MAL2: variants seen among roughly 807,000 people sequenced by gnomAD.
The protein encoded by MAL2 is mal, T cell differentiation protein 2.
Under a neutral mutation model 18.1 loss-of-function variants are expected in MAL2, and 17 were observed. The ratio of observed to expected loss-of-function variants is 0.94; its 90% CI spans 0.64 to 1.41. MAL2 has a LOEUF of 1.41. Among genes scored for constraint, MAL2 ranks in the 40% most tolerant of loss-of-function variants. MAL2 has a pLI of 0.00. For synonymous variants in MAL2, 102 were observed against 102.3 expected, an observed-to-expected ratio of 1.00 and a Z score of 0.02; for missense variants, 222 against 231.9, an observed-to-expected ratio of 0.96 and a Z score of 0.28.
At chr8:119,218,986 G>A (rs567920112) in intron 1 of MAL2, among the ~76,000 whole-genome samples, 40 of 152,024 alleles carry the variant, frequency 2.6e-4, no homozygotes, top group Admixed American at 5.9e-4. Context: ...AGAAGAAAGT[G>A]GAAAAAAAGG....
At chr8:119,240,903 A>C (rs576199606) in intron 3 of MAL2, among the ~76,000 whole-genome samples, 1 of 152,276 alleles carries the variant, frequency 6.6e-6, no homozygotes, top group African/African-American at 2.4e-5. Context: ...ATCATCTTTA[A>C]TTCGTATACT....
intron 2 of MAL2, among the ~76,000 whole-genome samples, chr8:119,234,783 G>A (rs1430851220): frequency 6.6e-6 from 1 of 151,510 alleles, no homozygotes; most frequent in Non-Finnish European, 1.5e-5. Flanking sequence ...AAACAGAAAG[G>A]ACATCCACAC....
chr8:119,217,714 G>A (rs1324627353), intron 1 of MAL2, among the ~76,000 whole-genome samples: 1 of 152,180 alleles, frequency 6.6e-6, no homozygotes, highest in Admixed American at 6.5e-5. Context: ...GTACTCTGCA[G>A]TTGCTACTGT....
intron 2 of MAL2, among the ~76,000 whole-genome samples, chr8:119,234,540 T>G (rs1261904968): frequency 6.6e-6 from 1 of 152,160 alleles, no homozygotes; most frequent in Admixed American, 6.5e-5. Context: ...CAGTAACCTC[T>G]GCAGACTTAA....
At chr8:119,213,297 G>C (rs1209210540) in intron 1 of MAL2, among the ~76,000 whole-genome samples, 1 of 152,132 alleles carries the variant, frequency 6.6e-6, no homozygotes, top group Non-Finnish European at 1.5e-5. Flanking sequence ...TCTATGAAAG[G>C]GACTTCAGGT....
At chr8:119,212,892 C>T (rs1034466851) in intron 1 of MAL2, among the ~76,000 whole-genome samples, 1 of 152,124 alleles carries the variant, frequency 6.6e-6, no homozygotes, top group African/African-American at 2.4e-5. Context: ...TAGGCCAAGG[C>T]ATTGGATTTA....
chr8:119,232,871 G>A (rs919232460), intron 2 of MAL2, among the ~76,000 whole-genome samples: 9 of 152,156 alleles, frequency 5.9e-5, no homozygotes, highest in African/African-American at 2.2e-4. Context: ...GGAGCAGGTT[G>A]TTCAGTTTCC....
chr8:119,239,392 A>T (rs1057330606), intron 2 of MAL2, among the ~76,000 whole-genome samples: 3 of 151,870 alleles, frequency 2.0e-5, no homozygotes, highest in African/African-American at 7.3e-5. Flanking sequence ...CTAGAACTAG[A>T]AATACCATTT....
At chr8:119,232,065 C>T (rs1817742611) in intron 2 of MAL2, among the ~76,000 whole-genome samples, 1 of 151,430 alleles carries the variant, frequency 6.6e-6, no homozygotes, top group Non-Finnish European at 1.5e-5. Flanking sequence ...TAGATGTTCT[C>T]ACCACAAAAA....
chr8:119,229,693 A>C (rs951660202), intron 2 of MAL2, among the ~76,000 whole-genome samples: 1 of 152,076 alleles, frequency 6.6e-6, no homozygotes, highest in Non-Finnish European at 1.5e-5. Context: ...GTCCCTAACC[A>C]CTGTCTTTCA....
chr8:119,216,911 G>C (rs1259373753), intron 1 of MAL2, among the ~76,000 whole-genome samples: 1 of 152,000 alleles, frequency 6.6e-6, no homozygotes, highest in East Asian at 1.9e-4. Flanking sequence ...GCTGTCAGAG[G>C]GTATGTTTAA....
At chr8:119,226,625 G>A (rs973655512) in intron 2 of MAL2, among the ~76,000 whole-genome samples, 12 of 31,890 alleles carry the variant, frequency 3.8e-4, no homozygotes, top group Non-Finnish European at 1.7e-3. Context: ...AAGAGCACAT[G>A]AAGGCAATTA....
At chr8:119,228,224 C>CA (rs937800791) in intron 2 of MAL2, among the ~76,000 whole-genome samples, 3 of 152,064 alleles carry the variant, frequency 2.0e-5, no homozygotes, top group African/African-American at 7.2e-5. Flanking sequence ...TGTCCCTGGA[C>CA]AAAAGAGTCC....
intron 2 of MAL2, among the ~76,000 whole-genome samples, chr8:119,226,593 T>C (rs908075616): frequency 6.6e-6 from 1 of 151,476 alleles, no homozygotes; most frequent in Non-Finnish European, 1.5e-5. Context: ...TGTGTGAGCA[T>C]TGATAAGATG....
At chr8:119,220,521 G>T (rs1587123928) in intron 1 of MAL2, among the ~76,000 whole-genome samples, 1 of 152,138 alleles carries the variant, frequency 6.6e-6, no homozygotes, top group Non-Finnish European at 1.5e-5. Flanking sequence ...GCTAGTTTCT[G>T]CTCAAGATGA....
intron 2 of MAL2, among the ~76,000 whole-genome samples, chr8:119,228,103 G>A (rs966266810): frequency 2.0e-5 from 3 of 152,096 alleles, no homozygotes; most frequent in Non-Finnish European, 4.4e-5. Flanking sequence ...GCACATACAC[G>A]AGGGCAATAC....
In MAL2 at chr8:119,244,305, A is replaced by G. The variant is rs1818108626; in HGVS notation, c.*817A>G. The G allele has an allele frequency of 1.3e-5, 2 of 151,756 alleles. No individual in the cohort carries two copies. The highest frequency in any genetic ancestry group is 4.1e-4 in the South Asian group (2 of 4,832). The allele number at this position is 151,756 out of a possible 1,614,324, so 9.4% of individuals were successfully genotyped here. On this transcript the variant is annotated 3_prime_UTR_variant, in exon 4 of 4. Transcript: ENST00000614891. Reference sequence around the variant, plus strand: ...TTGGAGAATACTTACCTTTGGAGGAATGTATAAAATTTCTCAGGCAGAGTC... The same window carrying G: ...TTGGAGAATACTTACCTTTGGAGGAGTGTATAAAATTTCTCAGGCAGAGTC...
intron 2 of MAL2, among the ~76,000 whole-genome samples, chr8:119,226,852 A>G (rs1370305904): frequency 6.6e-6 from 1 of 152,250 alleles, no homozygotes; most frequent in Non-Finnish European, 1.5e-5. Context: ...CAAGCTCTCC[A>G]GGTGGTTCTG....
At chr8:119,220,700 A>T (rs1276721086) in intron 1 of MAL2, among the ~76,000 whole-genome samples, 1 of 152,010 alleles carries the variant, frequency 6.6e-6, no homozygotes, top group African/African-American at 2.4e-5. Context: ...AGCTCCTGCC[A>T]TGGAACCCCC....
Sources: allele counts gnomAD v4.1 joint callset (sites outside exome capture counted in the v4.1 genomes callset), GRCh38; gene constraint gnomAD v4.1.1; transcripts MANE v1.5; gene names NCBI Gene and HGNC (gene_info 2026-07-23, HGNC 2026-07-21).